The following HAUS6 variants were observed in gnomAD, a reference collection of about 807,000 sequenced individuals.
The protein encoded by HAUS6 is HAUS augmin-like complex subunit 6.
Under a neutral mutation model 106.8 loss-of-function variants are expected in HAUS6, and 80 were observed. The ratio of observed to expected loss-of-function variants is 0.75; its 90% confidence interval spans 0.63 to 0.90. The LOEUF (loss-of-function observed/expected upper bound fraction) is 0.90. Ranked by LOEUF, HAUS6 falls within the 40% of genes least tolerant of loss-of-function variation. The pLI, the probability that HAUS6 is intolerant of heterozygous loss-of-function variation, is 0.00. For missense variants in HAUS6, 1,155 were observed against 1,118.1 expected, an observed-to-expected ratio of 1.03 and a Z score of -0.47; for synonymous variants, 356 against 379.1, an observed-to-expected ratio of 0.94 and a Z score of 0.71.
intron 4 of HAUS6, among the ~76,000 whole-genome samples, chr9:19,092,831 A>G (rs1278142390): frequency 6.6e-6 from 1 of 151,136 alleles, no homozygotes; most frequent in Non-Finnish European, 1.5e-5. Flanking sequence ...AGGCTGAGGC[A>G]GGAAAATTGC....
At chr9:19,093,767 G>A (rs564107781) in intron 3 of HAUS6, among the ~76,000 whole-genome samples, 71 of 152,270 alleles carry the variant, frequency 4.7e-4, no homozygotes, top group South Asian at 1.0e-3. Context: ...TACTCAGGAG[G>A]CTGAGATGGG....
In HAUS6 at chr9:19,072,985, T is replaced by C. The variant is rs1481833875; in HGVS notation, c.1295-2685A>G. Among the ~76,000 whole-genome samples, 3 of 152,166 alleles carry C rather than the reference T, an allele frequency of 2.0e-5. No individual in the cohort carries two copies. In the East Asian group the frequency reaches 5.8e-4, roughly 29 times the overall value. ...TAACAAAGAACCTTTTGGAAGATAA[T>C]AAAAAATTTTCATTTATAAACTTTA... is the stretch of plus-strand genomic sequence containing the variant. On this transcript the variant is annotated intron_variant, in intron 11 of 16. Transcript: ENST00000380502.
intron 8 of HAUS6, among the ~76,000 whole-genome samples, chr9:19,081,102 GA>G (rs998926608): frequency 1.4e-4 from 21 of 147,292 alleles, no homozygotes; most frequent in African/African-American, 4.6e-4. Context: ...AAAGCGGGGG[GA>G]AAAAAATCAA....
intron 11 of HAUS6, among the ~76,000 whole-genome samples, chr9:19,072,358 C>G (rs1836898275): frequency 6.6e-6 from 1 of 152,056 alleles, no homozygotes; most frequent in East Asian, 1.9e-4. Flanking sequence ...ACTAAAAATA[C>G]AAAAATTAGC....
rs1049584016 is a variant in HAUS6 at position 19,054,097 on chromosome 9, A to G, written c.*2246T>C. On this transcript the variant is annotated 3_prime_UTR_variant, in exon 17 of 17. Coordinates refer to ENST00000380502, the MANE Select transcript of HAUS6 (RefSeq NM_017645.5). ...GAAGTGAGATTTTTTTCTGAGGCTTAAAAGAGAGCTGTAATTGTGGTAAAC... is the reference window on the plus strand; with the variant it reads ...GAAGTGAGATTTTTTTCTGAGGCTTGAAAGAGAGCTGTAATTGTGGTAAAC... 5 of 152,184 alleles carry G rather than the reference A, an allele frequency of 3.3e-5. No individual in the cohort carries two copies. Among genetic ancestry groups the G allele is most frequent in the African/African-American group, 1.2e-4 (5 of 41,442 alleles). 9.4% of individuals were successfully genotyped at this position (152,184 alleles called of 1,614,324 possible). A position where few individuals can be genotyped will look rare whatever the true frequency, so the allele number is the denominator to read the frequency against.
intron 5 of HAUS6, among the ~76,000 whole-genome samples, chr9:19,087,784 C>T (rs746642292): frequency 5.0e-5 from 7 of 140,382 alleles, no homozygotes; most frequent in Non-Finnish European, 9.1e-5. Flanking sequence ...TCAAGGCTGC[C>T]GTGAGTCATA....
At chr9:19,093,895 A>G (rs1319272332) in intron 3 of HAUS6, among the ~76,000 whole-genome samples, 1 of 152,176 alleles carries the variant, frequency 6.6e-6, no homozygotes, top group East Asian at 1.9e-4. Context: ...AAAATAAAAT[A>G]AAGAATTTGA....
intron 1 of HAUS6, among the ~76,000 whole-genome samples, chr9:19,097,794 TGAAA>T (rs1259027905): frequency 6.8e-6 from 1 of 146,470 alleles, no homozygotes; most frequent in Non-Finnish European, 1.5e-5. Flanking sequence ...AAAACAAAAA[TGAAA>T]GAACACTAAA....
intron 5 of HAUS6, 133 bp from the exon 6 acceptor site, chr9:19,087,289 A>G (rs1837321068): frequency 1.6e-6 from 1 of 644,446 alleles, no homozygotes; most frequent in African/African-American, 1.8e-5. Flanking sequence ...AAAGGACTCT[A>G]GACTCTCTTT....
chr9:19,070,778 G>A (rs1023718495), intron 11 of HAUS6, among the ~76,000 whole-genome samples: 1 of 152,246 alleles, frequency 6.6e-6, no homozygotes, highest in Non-Finnish European at 1.5e-5. Context: ...CCTCCGAAGA[G>A]TCAGTCTAGG....
chr9:19,095,172 T>A (rs1049504886), intron 2 of HAUS6, among the ~76,000 whole-genome samples: 8 of 151,854 alleles, frequency 5.3e-5, no homozygotes, highest in Admixed American at 2.0e-4. Flanking sequence ...TGCTATTATT[T>A]TGTGGCTAAA....
At chr9:19,086,646 T>C (rs566256436) in intron 7 of HAUS6, 88 bp downstream of exon 7, 5 of 565,672 alleles carry the variant, frequency 8.8e-6, no homozygotes, top group African/African-American at 8.1e-5. Flanking sequence ...AAGTGGTAAA[T>C]AGACTATAAG....
rs749784720 is a variant in HAUS6 at position 19,058,380 on chromosome 9, T to A, written c.2387A>T (p.Glu796Val). 5.6e-6 allele frequency: 9 copies of A among 1,613,896 alleles called. 1 individual carries two copies. The South Asian group carries it at 9.9e-5, about 18-fold the overall frequency. The change falls in exon 16 of 17, where the codon GAG becomes GTG. Residue 796 changes from glutamate (E) to valine (V), a missense_variant. Around this residue, in one of 3 missense-constraint regions of HAUS6, gnomAD observed 380 missense variants for 394.8 expected, o/e 0.96. Coordinates refer to ENST00000380502, the MANE Select transcript of HAUS6 (RefSeq NM_017645.5). The part of the protein sequence containing the change: ...HLSFNSSSSS[E>V]ANFKLEPNSP... The stretch of plus-strand genomic sequence containing the variant: ...ATTTGGCTCCAGTTTAAAATTGGCC[T>A]CTGAACTACTGGAACTATTAAAACT...
At chr9:19,094,910 C>T (rs1817829273) in intron 2 of HAUS6, among the ~76,000 whole-genome samples, 1 of 151,942 alleles carries the variant, frequency 6.6e-6, no homozygotes, top group South Asian at 2.1e-4. Context: ...AGTTCTGTGT[C>T]ATACAAATAA....
chr9:19,091,573 G>C (rs184391639), intron 4 of HAUS6, among the ~76,000 whole-genome samples: 1 of 152,196 alleles, frequency 6.6e-6, no homozygotes, highest in East Asian at 1.9e-4. Flanking sequence ...CTAGCACTTT[G>C]GGAGGCCAAG....
chr9:19,097,920 C>T (rs537808488), intron 1 of HAUS6, among the ~76,000 whole-genome samples: 25 of 152,292 alleles, frequency 1.6e-4, no homozygotes, highest in Non-Finnish European at 3.1e-4. Flanking sequence ...CTTAGGATTA[C>T]TATTCTCTTG....
At chr9:19,092,301 A>AAC (rs1554691017) in intron 4 of HAUS6, among the ~76,000 whole-genome samples, 1 of 150,892 alleles carries the variant, frequency 6.6e-6, no homozygotes, top group African/African-American at 2.4e-5. Flanking sequence ...TAAAAAAAAA[A>AAC]AACAACAACA....
chr9:19,060,280 A>C, intron 14 of HAUS6, 57 bp from the exon 15 acceptor site: 1 of 1,352,010 alleles, frequency 7.4e-7, no homozygotes. Context: ...GTAGAATGCA[A>C]CAAAACCCCT....
intron 3 of HAUS6, among the ~76,000 whole-genome samples, chr9:19,093,910 A>C (rs542930545): frequency 6.6e-6 from 1 of 152,272 alleles, no homozygotes; most frequent in South Asian, 2.1e-4. Flanking sequence ...ATTTGATCAG[A>C]ATTATTCCTT....
Sources: gnomAD v4.1 joint callset for allele counts (sites outside exome capture counted in the v4.1 genomes callset) on GRCh38, gnomAD v4.1.1 for gene constraint, gnomAD v4.1.1 regional missense constraint, MANE v1.5 for transcripts, NCBI Gene and HGNC (gene_info 2026-07-23, HGNC 2026-07-21) for gene names.